The following LUZP2 variants were observed in gnomAD, a reference collection of about 807,000 sequenced individuals.
LUZP2 encodes leucine zipper protein 2.
In LUZP2, 52 loss-of-function variants were observed where a neutral mutation model predicts 51.6. The ratio of observed to expected loss-of-function variants is 1.01; its 90% CI spans 0.81 to 1.27. The LOEUF is 1.27. LUZP2 is among the 50% of genes most tolerant of loss of function. The pLI, the probability that LUZP2 is intolerant of heterozygous loss-of-function variation, is 0.00. For synonymous variants in LUZP2, 154 were observed against 137.3 expected, an observed-to-expected ratio of 1.12 and a Z score of -0.85; for missense variants, 436 against 395.4, an observed-to-expected ratio of 1.10 and a Z score of -0.87.
intron 7 of LUZP2, among the ~76,000 whole-genome samples, chr11:24,932,217 G>GGTTTGTTTATTACAAAACTTGGTTATA (rs1854475902): frequency 6.6e-6 from 1 of 152,166 alleles, no homozygotes; most frequent in Non-Finnish European, 1.5e-5. Flanking sequence ...TTATTACACT[G>GGTTTGTTTATTACAAAACTTGGTTATA]GTTTTGTGTT....
At chr11:24,969,226 C>G (rs753262612) in intron 7 of LUZP2, among the ~76,000 whole-genome samples, 1 of 152,072 alleles carries the variant, frequency 6.6e-6, no homozygotes, top group Non-Finnish European at 1.5e-5. Context: ...ATGTTCTTAT[C>G]ATTTAGCTCC....
chr11:24,715,204 C>A (rs1160361045), intron 1 of LUZP2, among the ~76,000 whole-genome samples: 1 of 150,458 alleles, frequency 6.6e-6, no homozygotes. Flanking sequence ...AAATACTAGT[C>A]ATTTTATATA....
chr11:25,000,509 T>TA (rs1565210996), intron 9 of LUZP2, among the ~76,000 whole-genome samples: 1 of 152,150 alleles, frequency 6.6e-6, no homozygotes, highest in Non-Finnish European at 1.5e-5. Flanking sequence ...AGACCACCTG[T>TA]AGCTTGATGC....
intron 5 of LUZP2, among the ~76,000 whole-genome samples, chr11:24,790,704 G>T (rs1420443163): frequency 6.6e-6 from 1 of 151,992 alleles, no homozygotes; most frequent in African/African-American, 2.4e-5. Flanking sequence ...GTTTCACCGT[G>T]TTGGCTAGGT....
At chr11:24,636,398 T>C (rs141702876) in intron 1 of LUZP2, among the ~76,000 whole-genome samples, 61 of 152,262 alleles carry the variant, frequency 4.0e-4, no homozygotes, top group African/African-American at 1.2e-3. Flanking sequence ...GTTAAGAGGG[T>C]GGATTCTGAA....
intron 9 of LUZP2, among the ~76,000 whole-genome samples, chr11:25,020,794 C>G (rs1348015257): frequency 6.6e-6 from 1 of 151,494 alleles, no homozygotes; most frequent in Non-Finnish European, 1.5e-5. Flanking sequence ...AATTTAATAA[C>G]TTAAAATTAT....
At chr11:24,700,225 C>A (rs754517538) in intron 1 of LUZP2, among the ~76,000 whole-genome samples, 4 of 152,016 alleles carry the variant, frequency 2.6e-5, no homozygotes, top group Non-Finnish European at 4.4e-5. Flanking sequence ...CCATTCCTGG[C>A]AGATTATTTT....
chr11:24,790,740 G>A (rs1849382992), intron 5 of LUZP2, among the ~76,000 whole-genome samples: 1 of 152,142 alleles, frequency 6.6e-6, no homozygotes, highest in African/African-American at 2.4e-5. Context: ...GACCTCAGGT[G>A]ATCCACCTGC....
intron 5 of LUZP2, among the ~76,000 whole-genome samples, chr11:24,832,293 T>G (rs1213694459): frequency 6.6e-6 from 1 of 151,944 alleles, no homozygotes; most frequent in African/African-American, 2.4e-5. Context: ...ATTAAATGAT[T>G]ACATTATCTC....
intron 1 of LUZP2, among the ~76,000 whole-genome samples, chr11:24,666,561 G>C (rs1856219064): frequency 6.6e-6 from 1 of 152,020 alleles, no homozygotes. Flanking sequence ...AAGTCAAGAT[G>C]AATGCAGGAG....
intron 9 of LUZP2, among the ~76,000 whole-genome samples, chr11:25,014,905 TC>T (rs1857103385): frequency 1.3e-5 from 2 of 152,182 alleles, no homozygotes; most frequent in Admixed American, 6.5e-5. Context: ...AAGTCTTTAC[TC>T]CATCTTGAAT....
intron 1 of LUZP2, among the ~76,000 whole-genome samples, chr11:24,551,567 T>G (rs1312418158): frequency 6.6e-6 from 1 of 152,036 alleles, no homozygotes; most frequent in Non-Finnish European, 1.5e-5. Context: ...CATTATACTT[T>G]AAATGAGTGA....
rs1858261366 is a variant in LUZP2 at position 24,721,302 on chromosome 11, A to G, written c.63-7867A>G. Among the ~76,000 whole-genome samples the G allele has an allele frequency of 2.0e-5, 3 of 152,058 alleles. No individual in the cohort carries two copies. The South Asian group carries it at 6.2e-4, about 32-fold the overall frequency. On this transcript the variant is annotated intron_variant, in intron 1 of 11. Transcript: ENST00000336930. ...AAATTTTATTCATGATTAAATGATT[A>G]AGAAACTAGAAAGGGAACATTTTAC... is the stretch of plus-strand genomic sequence containing the variant.
At chr11:24,674,370 C>T (rs935360608) in intron 1 of LUZP2, among the ~76,000 whole-genome samples, 3 of 152,176 alleles carry the variant, frequency 2.0e-5, no homozygotes, top group Admixed American at 1.3e-4. Context: ...GGATGAAATA[C>T]GGTAACTTGA....
chr11:24,741,963 T>A (rs148866942), intron 4 of LUZP2, among the ~76,000 whole-genome samples: 1 of 123,920 alleles, frequency 8.1e-6, no homozygotes, highest in African/African-American at 3.1e-5. Context: ...ATATTATATA[T>A]AAATATATAC....
chr11:24,498,978 G>C (rs531339791), intron 1 of LUZP2, among the ~76,000 whole-genome samples: 6 of 152,106 alleles, frequency 3.9e-5, no homozygotes, highest in Non-Finnish European at 7.4e-5. Flanking sequence ...AGTCTCTAGC[G>C]TCCAAAGATT....
At chr11:24,855,637 A>G (rs543835282) in intron 5 of LUZP2, among the ~76,000 whole-genome samples, 18 of 152,302 alleles carry the variant, frequency 1.2e-4, no homozygotes, top group Non-Finnish European at 1.3e-4. Context: ...TATGGAACCA[A>G]AAAGAAGAGT....
chr11:24,829,688 A>G (rs1850642576), intron 5 of LUZP2, among the ~76,000 whole-genome samples: 1 of 152,224 alleles, frequency 6.6e-6, no homozygotes, highest in African/African-American at 2.4e-5. Flanking sequence ...CAGAAATAAA[A>G]TGGAAGGAAA....
chr11:24,882,087 A>T (rs1222959882), intron 5 of LUZP2, among the ~76,000 whole-genome samples: 1 of 151,970 alleles, frequency 6.6e-6, no homozygotes, highest in Non-Finnish European at 1.5e-5. Context: ...AATTAAAGGC[A>T]GTTTTATTAT....
Sources: gnomAD v4.1 joint callset for allele counts (sites outside exome capture counted in the v4.1 genomes callset) on GRCh38, gnomAD v4.1.1 for gene constraint, MANE v1.5 for transcripts, NCBI Gene and HGNC (gene_info 2026-07-23, HGNC 2026-07-21) for gene names.